The following FOXK2 variants were observed in gnomAD, a reference collection of about 807,000 sequenced individuals.
FOXK2 encodes the protein forkhead box protein K2.
Under a neutral mutation model 53.3 loss-of-function variants are expected in FOXK2, and 24 were observed. The ratio of observed to expected loss-of-function variants is 0.45; its 90% CI spans 0.33 to 0.63. The LOEUF (loss-of-function observed/expected upper bound fraction) is 0.63, where lower values mean the gene tolerates loss of function less well. Among genes scored for constraint, FOXK2 ranks in the 30% least tolerant of loss-of-function variants. The probability of loss-of-function intolerance (pLI) is 0.03; values close to 1 mark genes in which losing one functional copy is unlikely to be tolerated. For missense variants in FOXK2, 952 were observed against 910.5 expected, an observed-to-expected ratio of 1.05 and a Z score of -0.59; for synonymous variants, 505 against 407.1, an observed-to-expected ratio of 1.24 and a Z score of -2.89.
At position 82,570,176 on chromosome 17, in the gene FOXK2, C is replaced by T. The variant is rs554677119; in HGVS notation, c.763-1548C>T. Reference sequence around the variant, plus strand: ...GGTGGAGCTTGCAGTGAGCCGAAATCGCGCCACTGCACTCCAGCCTGAGTG... The same window carrying T: ...GGTGGAGCTTGCAGTGAGCCGAAATTGCGCCACTGCACTCCAGCCTGAGTG... On this transcript the variant is annotated intron_variant, in intron 3 of 8. Coordinates refer to ENST00000335255, the MANE Select transcript of FOXK2 (RefSeq NM_004514.4). 3.3e-3 allele frequency among the ~76,000 whole-genome samples: 494 copies of T among 151,150 alleles called. 2 individuals carry two copies. The highest frequency in any genetic ancestry group is 5.8e-3 in the Non-Finnish European group (391 of 67,858).
intron 8 of FOXK2, chr17:82,595,684 G>A (rs1384193414): frequency 1.0e-6 from 1 of 956,884 alleles, no homozygotes; most frequent in African/African-American, 1.7e-5. Context: ...CTAACAGTGG[G>A]GTCGGTCCCT....
rs2044888977 is a variant in FOXK2 at position 82,569,438 on chromosome 17, G to T, written c.762+1237G>T. Reference sequence around the variant, plus strand: ...CCCAGCAAAACTGTGGTCACTCTAAGAAGTCAGTAGTAATGGTGGCCTCTT... The same window carrying T: ...CCCAGCAAAACTGTGGTCACTCTAATAAGTCAGTAGTAATGGTGGCCTCTT... On this transcript the variant is annotated intron_variant, in intron 3 of 8. Transcript: ENST00000335255. Among the ~76,000 whole-genome samples the T allele has an allele frequency of 3.3e-5, 5 of 152,206 alleles. No homozygotes were observed. The South Asian group carries it at 1.0e-3, about 32-fold the overall frequency.
intron 4 of FOXK2, among the ~76,000 whole-genome samples, chr17:82,572,471 T>C (rs3736205): frequency 0.18 from 27,686 of 149,956 alleles, 2,860 homozygotes; most frequent in Non-Finnish European, 0.24. Flanking sequence ...TTCCCTTTGG[T>C]CAGCTCACAC....
intron 7 of FOXK2, among the ~76,000 whole-genome samples, chr17:82,586,602 T>G (rs910165261): frequency 2.0e-5 from 3 of 151,908 alleles, no homozygotes; most frequent in Non-Finnish European, 4.4e-5. Flanking sequence ...GGGAAGTCCA[T>G]AAGATTTGCT....
At chr17:82,548,231 C>G (rs905527970) in intron 1 of FOXK2, among the ~76,000 whole-genome samples, 1 of 152,154 alleles carries the variant, frequency 6.6e-6, no homozygotes, top group African/African-American at 2.4e-5. Flanking sequence ...GCAGTTGCAC[C>G]AGTTTGTATT....
intron 1 of FOXK2, among the ~76,000 whole-genome samples, chr17:82,550,256 A>G (rs1028676307): frequency 8.5e-5 from 13 of 152,294 alleles, no homozygotes; most frequent in Middle Eastern, 3.4e-3. Flanking sequence ...CTGGCCTGCC[A>G]TAGTGTTTTT....
At chr17:82,572,517 C>T (rs1019124660) in intron 4 of FOXK2, among the ~76,000 whole-genome samples, 7 of 149,190 alleles carry the variant, frequency 4.7e-5, no homozygotes, top group African/African-American at 1.2e-4. Flanking sequence ...GAGTCAGAGT[C>T]TCGCTCTGTT....
At position 82,602,292 on chromosome 17, in the gene FOXK2, C is replaced by T. The variant is rs1317080202; in HGVS notation, c.*793C>T. The T allele has an allele frequency of 6.6e-6, 1 of 152,222 alleles. No individual in the cohort carries two copies. The highest frequency in any genetic ancestry group is 2.4e-5 in the African/African-American group (1 of 41,454). The allele number at this position is 152,222 out of a possible 1,614,324, so 9.4% of individuals were successfully genotyped here. A position where few individuals can be genotyped will look rare whatever the true frequency, so the allele number is the denominator to read the frequency against. ...AACTGCCGGGACTCACCGAGCTGCA[C>T]TTAACTGTTCTCTTTCTGGCTATTT... On this transcript the variant is annotated 3_prime_UTR_variant, in exon 9 of 9. Coordinates refer to ENST00000335255, the MANE Select transcript of FOXK2 (RefSeq NM_004514.4).
intron 1 of FOXK2, among the ~76,000 whole-genome samples, chr17:82,553,525 T>C (rs951506496): frequency 1.3e-5 from 2 of 152,256 alleles, no homozygotes; most frequent in South Asian, 2.1e-4. Flanking sequence ...GCAGGGGCTT[T>C]TGTTATGCAG....
At chr17:82,521,418 C>T (rs2044360175) in intron 1 of FOXK2, among the ~76,000 whole-genome samples, 2 of 149,308 alleles carry the variant, frequency 1.3e-5, no homozygotes, top group Admixed American at 1.3e-4. Context: ...GTGATCCACC[C>T]GCCTCGGCCT....
intron 8 of FOXK2, among the ~76,000 whole-genome samples, chr17:82,590,260 G>T (rs1428924397): frequency 6.6e-6 from 1 of 152,128 alleles, no homozygotes; most frequent in Non-Finnish European, 1.5e-5. Context: ...CTACAGCCTG[G>T]ATGCTGAACA....
intron 8 of FOXK2, among the ~76,000 whole-genome samples, chr17:82,592,407 G>A (rs1259135866): frequency 6.6e-6 from 1 of 152,194 alleles, no homozygotes; most frequent in African/African-American, 2.4e-5. Context: ...CTTCTTAAGG[G>A]TTCACAGATC....
rs540989708 is a variant in FOXK2 at position 82,604,189 on chromosome 17, G to C, written c.*2690G>C. ...CAACTTCTGAGCTCCTCAGGGACTA[G>C]GAACAATTTCAGTAGCTTTGCCCTG... is the stretch of plus-strand genomic sequence containing the variant. On this transcript the variant is annotated 3_prime_UTR_variant, in exon 9 of 9. Coordinates refer to ENST00000335255, the MANE Select transcript of FOXK2 (RefSeq NM_004514.4). The C allele has an allele frequency of 6.6e-6, 1 of 152,360 alleles. No homozygotes were observed. The highest frequency in any genetic ancestry group is 2.1e-4 in the South Asian group (1 of 4,834). The allele number at this position is 152,360 out of a possible 1,614,324, so 9.4% of individuals were successfully genotyped here.
intron 8 of FOXK2, among the ~76,000 whole-genome samples, chr17:82,591,444 G>A (rs2143152393): frequency 6.6e-6 from 1 of 152,256 alleles, no homozygotes. Flanking sequence ...GAGCTGGGGT[G>A]CATCATGCTG....
intron 1 of FOXK2, among the ~76,000 whole-genome samples, chr17:82,549,782 G>A (rs2044658723): frequency 6.6e-6 from 1 of 152,222 alleles, no homozygotes; most frequent in African/African-American, 2.4e-5. Context: ...TCCCTGATAT[G>A]TGCCTACAGA....
intron 5 of FOXK2, among the ~76,000 whole-genome samples, chr17:82,583,478 G>A (rs2045090481): frequency 6.6e-6 from 1 of 152,232 alleles, no homozygotes; most frequent in South Asian, 2.1e-4. Flanking sequence ...ACCCGGAAAG[G>A]CAGAGATTGC....
At chr17:82,546,923 CA>C (rs1180875003) in intron 1 of FOXK2, among the ~76,000 whole-genome samples, 1 of 151,612 alleles carries the variant, frequency 6.6e-6, no homozygotes, top group African/African-American at 2.4e-5. Flanking sequence ...CTAAAAATAC[CA>C]AAATTAGTCG....
chr17:82,554,112 G>A (rs960240133), intron 1 of FOXK2, among the ~76,000 whole-genome samples: 5 of 152,236 alleles, frequency 3.3e-5, no homozygotes, highest in Non-Finnish European at 5.9e-5. Context: ...GATTACAGGC[G>A]TGAGCCACCG....
intron 4 of FOXK2, chr17:82,576,531 G>T: frequency 3.1e-6 from 2 of 638,840 alleles, no homozygotes. Context: ...CTTTTTCCAA[G>T]ATGTATTCTG....
Sources: allele counts gnomAD v4.1 joint callset (sites outside exome capture counted in the v4.1 genomes callset), GRCh38; gene constraint gnomAD v4.1.1; transcripts MANE v1.5; gene names NCBI Gene and HGNC (gene_info 2026-07-23, HGNC 2026-07-21).